Variants in TESK2 observed in about 807,000 individuals in gnomAD.
The protein encoded by TESK2 is testis associated actin remodelling kinase 2, also known as dual specificity testis-specific protein kinase 2.
A neutral mutation model predicts 57.1 loss-of-function variants in TESK2; 39 were observed. That is an observed-to-expected ratio of 0.68 (90% CI 0.53 to 0.89). The LOEUF is 0.89. Ranked by LOEUF, TESK2 falls within the 40% of genes least tolerant of loss-of-function variation. The probability of loss-of-function intolerance (pLI) is 0.00; values close to 1 mark genes in which losing one functional copy is unlikely to be tolerated. For synonymous variants in TESK2, 249 were observed against 267.9 expected (o/e 0.93, Z 0.69); for missense variants, 646 against 732.1 (o/e 0.88, Z 1.36).
At chr1:45,368,747 TTTTG>T (rs966362963) in intron 4 of TESK2, among the ~76,000 whole-genome samples, 11 of 151,688 alleles carry the variant, frequency 7.3e-5, no homozygotes, top group Non-Finnish European at 1.6e-4. Flanking sequence ...CCTGGCTGGT[TTTTG>T]TTTGTTTGTT....
At chr1:45,394,237 C>CTTG (rs1649266800) in intron 3 of TESK2, among the ~76,000 whole-genome samples, 1 of 151,642 alleles carries the variant, frequency 6.6e-6, no homozygotes, top group African/African-American at 2.4e-5. Flanking sequence ...TCGCTGCAGC[C>CTTG]TCAACCTCCC....
chr1:45,472,327 G>A (rs1242516238), intron 1 of TESK2, among the ~76,000 whole-genome samples: 1 of 151,218 alleles, frequency 6.6e-6, no homozygotes, highest in Non-Finnish European at 1.5e-5. Flanking sequence ...GGAGGCCAAG[G>A]CGGGCAGATC....
intron 1 of TESK2, among the ~76,000 whole-genome samples, chr1:45,488,607 G>A (rs1007317346): frequency 6.6e-6 from 1 of 152,214 alleles, no homozygotes; most frequent in African/African-American, 2.4e-5. Flanking sequence ...ACTCTCCACT[G>A]TAAAAGAGGG....
In TESK2 at chr1:45,476,738, T is replaced by C. The variant is rs376918211; in HGVS notation, c.-87+14114A>G. ...GGCACACGCCTGTAGTCCCAGCTAC[T>C]TGGGAAGCCGAGGCAGGAGAATTGC... On this transcript the variant is annotated intron_variant, in intron 1 of 10. Transcript: ENST00000372086. 1.8e-4 allele frequency among the ~76,000 whole-genome samples: 28 copies of C among 152,022 alleles called. 1 individual carries two copies. In the East Asian group the frequency reaches 3.9e-3, roughly 21 times the overall value.
rs1266035952 is a variant in TESK2 at position 45,372,737 on chromosome 1, T to TA, written c.393+13174dup. Among the ~76,000 whole-genome samples, 165 of 136,818 alleles carry TA rather than the reference T, an allele frequency of 1.2e-3. 1 individual carries two copies. The highest frequency in any genetic ancestry group is 4.5e-3 in the Admixed American group (61 of 13,616). 89.8% of individuals were successfully genotyped at this position (136,818 alleles called of 152,430 possible). On this transcript the variant is annotated intron_variant, in intron 4 of 10. Coordinates refer to ENST00000372086, the MANE Select transcript of TESK2 (RefSeq NM_007170.3). ...ACAGAGCAAGACTCTGCTTCTTTCT[T>TA]AAAAAAAAAAAGAAAAGAAGGCCAG...
chr1:45,353,180 G>C (rs886564312), intron 5 of TESK2, among the ~76,000 whole-genome samples: 1 of 152,142 alleles, frequency 6.6e-6, no homozygotes, highest in African/African-American at 2.4e-5. Flanking sequence ...TTACAGGTGT[G>C]AGCCACCATG....
intron 2 of TESK2, among the ~76,000 whole-genome samples, chr1:45,431,421 G>GA (rs368967097): frequency 3.9e-4 from 56 of 142,862 alleles, no homozygotes; most frequent in African/African-American, 4.6e-4. Context: ...CTATCTAAAA[G>GA]AAAAAAAAAA....
In TESK2 at chr1:45,476,470, G is replaced by A. The variant is rs572984963; in HGVS notation, c.-87+14382C>T. ...TGCAATGAGTCAAGATGACACCACC[G>A]CACTCCGGCCTCGGCACTAGAGCAA... On this transcript the variant is annotated intron_variant, in intron 1 of 10. Coordinates refer to ENST00000372086, the MANE Select transcript of TESK2 (RefSeq NM_007170.3). Among the ~76,000 whole-genome samples the A allele has an allele frequency of 2.4e-4, 37 of 151,542 alleles. No homozygotes were observed. The South Asian group carries it at 7.3e-3, about 30-fold the overall frequency.
At chr1:45,457,992 A>G (rs1239056789) in intron 1 of TESK2, 121 bp from the exon 2 acceptor site, 2 of 538,748 alleles carry the variant, frequency 3.7e-6, no homozygotes, top group Non-Finnish European at 3.3e-6. Context: ...AGATCTAAAA[A>G]ATGTTTTATG....
chr1:45,346,392 A>T (rs556375131), intron 9 of TESK2, among the ~76,000 whole-genome samples: 1 of 152,342 alleles, frequency 6.6e-6, no homozygotes, highest in African/African-American at 2.4e-5. Context: ...CCTCAGGACC[A>T]GTTGGATCCA....
intron 1 of TESK2, among the ~76,000 whole-genome samples, chr1:45,489,054 C>T (rs533896080): frequency 3.2e-4 from 49 of 151,694 alleles, no homozygotes; most frequent in Non-Finnish European, 6.9e-4. Flanking sequence ...ATCCCAGCTA[C>T]TCAGAAGGCT....
intron 5 of TESK2, among the ~76,000 whole-genome samples, chr1:45,349,242 AT>A (rs868233796): frequency 3.3e-5 from 5 of 151,416 alleles, no homozygotes; most frequent in Non-Finnish European, 7.4e-5. Context: ...TGATTACACT[AT>A]TTCCCTTCCC....
intron 1 of TESK2, among the ~76,000 whole-genome samples, chr1:45,471,901 C>T (rs1386276561): frequency 6.6e-6 from 1 of 152,122 alleles, no homozygotes; most frequent in Non-Finnish European, 1.5e-5. Flanking sequence ...CCCTTTGCCT[C>T]AGCCACCTCA....
chr1:45,444,845 A>G (rs1357675563), intron 2 of TESK2, among the ~76,000 whole-genome samples: 1 of 152,174 alleles, frequency 6.6e-6, no homozygotes, highest in Non-Finnish European at 1.5e-5. Flanking sequence ...TAACTTTAAA[A>G]CAAAGATGAT....
chr1:45,387,852 CAA>C (rs1430730914), intron 3 of TESK2, among the ~76,000 whole-genome samples: 1 of 152,094 alleles, frequency 6.6e-6, no homozygotes, highest in Non-Finnish European at 1.5e-5. Context: ...ACTAAAAATA[CAA>C]AAGTTAGCTG....
rs140173175 is a variant in TESK2 at position 45,375,954 on chromosome 1, T to G, written c.393+9958A>C. Among the ~76,000 whole-genome samples the G allele has an allele frequency of 2.3e-3, 352 of 152,318 alleles. 1 individual carries two copies. Among genetic ancestry groups the G allele is most frequent in the African/African-American group, 8.2e-3 (342 of 41,584 alleles). ...ACTAAATAAACTCTTCTATTATTTG[T>G]GGGCTAGCTTGCCAACCTCAAATTC... is the stretch of plus-strand genomic sequence containing the variant. On this transcript the variant is annotated intron_variant, in intron 4 of 10. Coordinates refer to ENST00000372086, the MANE Select transcript of TESK2 (RefSeq NM_007170.3).
intron 1 of TESK2, among the ~76,000 whole-genome samples, chr1:45,489,618 C>T (rs1310173396): frequency 1.3e-5 from 2 of 152,118 alleles, no homozygotes; most frequent in African/African-American, 2.4e-5. Flanking sequence ...GGGGAAACCC[C>T]GTCTCTACTA....
rs972171234 is a variant in TESK2, at chr1:45,344,343, A to G, written c.*497T>C. On this transcript the variant is annotated 3_prime_UTR_variant, in exon 11 of 11. Transcript: ENST00000372086. ...GTGGTCTGACCATGCAGTAAGTGCA[A>G]ACAGCAATTACTCAAATGTCTTAGA... 1.2e-5 allele frequency: 2 copies of G among 161,490 alleles called. No individual in the cohort carries two copies. Among genetic ancestry groups the G allele is most frequent in the African/African-American group, 4.8e-5 (2 of 41,554 alleles). 10.0% of individuals were successfully genotyped at this position (161,490 alleles called of 1,614,324 possible). A position where few individuals can be genotyped will look rare whatever the true frequency, so the allele number is the denominator to read the frequency against.
intron 3 of TESK2, among the ~76,000 whole-genome samples, chr1:45,403,967 G>C (rs1649736809): frequency 2.7e-5 from 4 of 146,814 alleles, no homozygotes. Flanking sequence ...TGGCCAAAAA[G>C]CTTTTTCTTA....
Sources: allele counts gnomAD v4.1 joint callset (sites outside exome capture counted in the v4.1 genomes callset), GRCh38; gene constraint gnomAD v4.1.1; transcripts MANE v1.5; gene names NCBI Gene and HGNC (gene_info 2026-07-23, HGNC 2026-07-21).